The following CCSER1 variants were observed in gnomAD, a reference collection of about 807,000 sequenced individuals.
The protein encoded by CCSER1 is serine-rich coiled-coil domain-containing protein 1.
A neutral mutation model predicts 82.0 loss-of-function variants in CCSER1; 41 were observed. The observed-to-expected ratio is 0.50, with a 90% CI of 0.39 to 0.65. The LOEUF (loss-of-function observed/expected upper bound fraction) is 0.65. Among genes scored for constraint, CCSER1 ranks in the 30% least tolerant of loss-of-function variants. The probability of loss-of-function intolerance (pLI) is 0.00; values close to 1 mark genes in which losing one functional copy is unlikely to be tolerated. For synonymous variants in CCSER1, 414 were observed against 383.9 expected (o/e 1.08, Z -0.92); for missense variants, 1,119 against 1,064.2 (o/e 1.05, Z -0.72).
chr4:90,870,884 A>G (rs1231380816), intron 8 of CCSER1, among the ~76,000 whole-genome samples: 3 of 123,326 alleles, frequency 2.4e-5, no homozygotes, highest in East Asian at 4.6e-4. Flanking sequence ...GTTATGGTCT[A>G]TTCAGATTTT....
At chr4:91,514,303 C>T (rs538491561) in intron 10 of CCSER1, among the ~76,000 whole-genome samples, 30 of 152,100 alleles carry the variant, frequency 2.0e-4, no homozygotes, top group African/African-American at 5.3e-4. Flanking sequence ...ATTTTAATTC[C>T]GCTGCAATCC....
At chr4:90,161,724 C>T (rs1729483445) in intron 1 of CCSER1, among the ~76,000 whole-genome samples, 1 of 151,954 alleles carries the variant, frequency 6.6e-6, no homozygotes, top group Non-Finnish European at 1.5e-5. Context: ...AACTTGAAGT[C>T]TTTATTTCTC....
chr4:91,539,145 C>T (rs1156543994), intron 10 of CCSER1, among the ~76,000 whole-genome samples: 1 of 151,946 alleles, frequency 6.6e-6, no homozygotes, highest in Non-Finnish European at 1.5e-5. Flanking sequence ...GCTGTTAACT[C>T]TTTATCTTAT....
intron 10 of CCSER1, among the ~76,000 whole-genome samples, chr4:91,462,723 G>A (rs971606686): frequency 1.3e-5 from 2 of 152,172 alleles, no homozygotes; most frequent in Non-Finnish European, 2.9e-5. Context: ...CTTGTGCCTG[G>A]CTCGGAGGGT....
chr4:91,587,315 C>T (rs1764048124), intron 10 of CCSER1, among the ~76,000 whole-genome samples: 1 of 151,738 alleles, frequency 6.6e-6, no homozygotes, highest in Non-Finnish European at 1.5e-5. Flanking sequence ...GAAGACATCA[C>T]CTGTGTAGAC....
chr4:90,874,362 T>A (rs66529822), intron 8 of CCSER1, among the ~76,000 whole-genome samples: 9,808 of 152,210 alleles, frequency 0.064, 368 homozygotes, highest in Non-Finnish European at 0.085. Flanking sequence ...TAAATTTTTT[T>A]AAAATGTTTC....
intron 10 of CCSER1, among the ~76,000 whole-genome samples, chr4:91,193,164 G>T (rs189142807): frequency 1.2e-4 from 19 of 152,014 alleles, no homozygotes; most frequent in Middle Eastern, 3.4e-3. Flanking sequence ...CCTCAGTGTT[G>T]CTTGGTTATT....
At chr4:90,261,413 C>G (rs1271170543) in intron 1 of CCSER1, among the ~76,000 whole-genome samples, 1 of 152,134 alleles carries the variant, frequency 6.6e-6, no homozygotes, top group African/African-American at 2.4e-5. Flanking sequence ...TTTAAGGAGG[C>G]TAAAGATAGG....
At chr4:90,554,360 C>T (rs928199699) in intron 5 of CCSER1, among the ~76,000 whole-genome samples, 1 of 152,084 alleles carries the variant, frequency 6.6e-6, no homozygotes, top group African/African-American at 2.4e-5. Flanking sequence ...CAGGGCAAAG[C>T]CCTGTCTCAA....
chr4:90,225,481 A>G (rs1742994125), intron 1 of CCSER1, among the ~76,000 whole-genome samples: 1 of 152,156 alleles, frequency 6.6e-6, no homozygotes. Flanking sequence ...AGATTTCTAT[A>G]GATCTATTAT....
At chr4:90,364,583 C>T (rs564239358) in intron 3 of CCSER1, among the ~76,000 whole-genome samples, 1 of 152,038 alleles carries the variant, frequency 6.6e-6, no homozygotes, top group South Asian at 2.1e-4. Flanking sequence ...TAATAAAAAG[C>T]ATTAAAGTAG....
At chr4:90,606,260 T>C (rs372497834) in intron 5 of CCSER1, among the ~76,000 whole-genome samples, 1 of 152,192 alleles carries the variant, frequency 6.6e-6, no homozygotes, top group South Asian at 2.1e-4. Flanking sequence ...CTGAAAAATA[T>C]GTCATTAGGC....
intron 9 of CCSER1, among the ~76,000 whole-genome samples, chr4:90,947,501 A>G (rs1276894659): frequency 6.6e-6 from 1 of 152,178 alleles, no homozygotes; most frequent in East Asian, 1.9e-4. Context: ...AGATTTTTCA[A>G]ATATTTCAAC....
intron 9 of CCSER1, among the ~76,000 whole-genome samples, chr4:90,998,211 G>A (rs1433831282): frequency 6.6e-6 from 1 of 152,042 alleles, no homozygotes. Context: ...CTCCCAAGTA[G>A]CTGGGATTAC....
intron 5 of CCSER1, among the ~76,000 whole-genome samples, chr4:90,552,790 A>G (rs916554294): frequency 6.6e-6 from 1 of 152,102 alleles, no homozygotes; most frequent in Non-Finnish European, 1.5e-5. Flanking sequence ...TTTGCGTACT[A>G]GTCTTGTAGA....
intron 6 of CCSER1, among the ~76,000 whole-genome samples, chr4:90,639,962 A>G (rs1421381846): frequency 6.6e-6 from 1 of 152,140 alleles, no homozygotes; most frequent in Non-Finnish European, 1.5e-5. Flanking sequence ...GCCAATATTT[A>G]ATGATTGGAA....
At chr4:90,827,170 A>C (rs1453991458) in intron 8 of CCSER1, among the ~76,000 whole-genome samples, 3 of 152,220 alleles carry the variant, frequency 2.0e-5, no homozygotes, top group African/African-American at 7.2e-5. Context: ...AGTTTCTGGG[A>C]ATAGGCAGAG....
chr4:90,824,867 G>A (rs1229855914), intron 8 of CCSER1, among the ~76,000 whole-genome samples: 1 of 152,112 alleles, frequency 6.6e-6, no homozygotes, highest in Non-Finnish European at 1.5e-5. Context: ...TAAAGTGTCA[G>A]GCTACTTTCC....
intron 7 of CCSER1, among the ~76,000 whole-genome samples, chr4:90,797,783 A>C (rs1006837154): frequency 5.3e-5 from 8 of 152,190 alleles, no homozygotes; most frequent in Non-Finnish European, 1.0e-4. Context: ...TTTCTTTAAG[A>C]ATATTGAATA....
Sources: gnomAD v4.1 joint callset for allele counts (sites outside exome capture counted in the v4.1 genomes callset) on GRCh38, gnomAD v4.1.1 for gene constraint, MANE v1.5 for transcripts, NCBI Gene and HGNC (gene_info 2026-07-23, HGNC 2026-07-21) for gene names.